Variants in LUZP2 observed in about 807,000 individuals in gnomAD.
LUZP2 encodes the protein leucine zipper protein 2.
LUZP2 carries 52 observed loss-of-function variants against 51.6 expected under a neutral mutation model. That is an observed-to-expected ratio of 1.01 (90% CI 0.81 to 1.27). The LOEUF (loss-of-function observed/expected upper bound fraction) is 1.27. Ranked by LOEUF, LUZP2 falls within the 50% of genes most tolerant of loss-of-function variation. The pLI is 0.00. For synonymous variants in LUZP2, 154 were observed against 137.3 expected (o/e 1.12, Z -0.85); for missense variants, 436 against 395.4 (o/e 1.10, Z -0.87).
Position 25,003,813 on chromosome 11 carries a change from T to C in LUZP2, c.765+20520T>C, listed in dbSNP as rs568513517. On this transcript the variant is annotated intron_variant, in intron 9 of 11. Coordinates refer to ENST00000336930, the MANE Select transcript of LUZP2 (RefSeq NM_001009909.4). ...ACAAATGGGTAACTTGTTCCCCATA[T>C]TCATGTAGATAATAACTCCAGCTTT... Among the ~76,000 whole-genome samples, 4 of 152,286 alleles carry C rather than the reference T, an allele frequency of 2.6e-5. No homozygotes were observed. In the East Asian group the frequency reaches 5.8e-4, roughly 22 times the overall value.
chr11:25,033,693 A>T (rs1000813090), intron 9 of LUZP2, among the ~76,000 whole-genome samples: 1 of 152,068 alleles, frequency 6.6e-6, no homozygotes. Context: ...TTCTGTTCCC[A>T]TGTTAATTCA....
chr11:24,607,949 T>C (rs987520130), intron 1 of LUZP2, among the ~76,000 whole-genome samples: 77 of 152,034 alleles, frequency 5.1e-4, no homozygotes, highest in African/African-American at 1.8e-3. Flanking sequence ...CCTGGGTTTA[T>C]GCCATTCTCC....
chr11:24,941,976 A>G (rs1854763893), intron 7 of LUZP2, among the ~76,000 whole-genome samples: 1 of 151,886 alleles, frequency 6.6e-6, no homozygotes, highest in Admixed American at 6.6e-5. Context: ...TGCCTCTTCT[A>G]GAACATCACG....
intron 5 of LUZP2, among the ~76,000 whole-genome samples, chr11:24,785,257 C>A (rs919255121): frequency 6.6e-6 from 1 of 151,958 alleles, no homozygotes; most frequent in African/African-American, 2.4e-5. Context: ...GCTGTCTTAT[C>A]TACTACACTA....
At chr11:24,514,668 G>GTT (rs71445493) in intron 1 of LUZP2, among the ~76,000 whole-genome samples, 2 of 151,932 alleles carry the variant, frequency 1.3e-5, no homozygotes, top group African/African-American at 4.8e-5. Flanking sequence ...TAATTTATTA[G>GTT]TTTTTTTTCT....
At chr11:24,583,115 G>A (rs1363655795) in intron 1 of LUZP2, among the ~76,000 whole-genome samples, 3 of 151,834 alleles carry the variant, frequency 2.0e-5, no homozygotes, top group Non-Finnish European at 4.4e-5. Context: ...TATAGTTTTT[G>A]TAATGATTTA....
chr11:24,718,065 A>G (rs1020585433), intron 1 of LUZP2, among the ~76,000 whole-genome samples: 9 of 152,198 alleles, frequency 5.9e-5, no homozygotes, highest in Admixed American at 6.5e-5. Flanking sequence ...CAACCATACA[A>G]TCTTTAAGCA....
At chr11:24,587,897 G>C (rs1280293622) in intron 1 of LUZP2, among the ~76,000 whole-genome samples, 1 of 151,998 alleles carries the variant, frequency 6.6e-6, no homozygotes, top group East Asian at 1.9e-4. Flanking sequence ...ATGTTCCATG[G>C]ATGCTGGACA....
intron 10 of LUZP2, among the ~76,000 whole-genome samples, chr11:25,055,230 C>T (rs1195009207): frequency 3.3e-5 from 5 of 151,758 alleles, no homozygotes; most frequent in Admixed American, 2.0e-4. Flanking sequence ...AGGATGGTCT[C>T]GATCTCTTGA....
At chr11:24,627,763 G>T (rs1051527966) in intron 1 of LUZP2, among the ~76,000 whole-genome samples, 1 of 152,074 alleles carries the variant, frequency 6.6e-6, no homozygotes, top group African/African-American at 2.4e-5. Context: ...TTAGAATAAG[G>T]TAGCCTTACA....
At chr11:24,981,154 T>A (rs1022039807) in intron 8 of LUZP2, among the ~76,000 whole-genome samples, 1 of 151,858 alleles carries the variant, frequency 6.6e-6, no homozygotes, top group African/African-American at 2.4e-5. Flanking sequence ...AAAATCATCC[T>A]CTGGGTTTTG....
chr11:24,948,512 C>A (rs1854964297), intron 7 of LUZP2, among the ~76,000 whole-genome samples: 1 of 151,654 alleles, frequency 6.6e-6, no homozygotes, highest in African/African-American at 2.4e-5. Context: ...AGGGTTAGCA[C>A]CAGAATTGTT....
chr11:24,614,461 T>A (rs552162013), intron 1 of LUZP2, among the ~76,000 whole-genome samples: 3 of 152,132 alleles, frequency 2.0e-5, no homozygotes, highest in Non-Finnish European at 2.9e-5. Flanking sequence ...AAAAAAGAAT[T>A]TGAAAAGCCT....
At chr11:24,735,971 G>A (rs1301729504) in intron 3 of LUZP2, among the ~76,000 whole-genome samples, 2 of 151,972 alleles carry the variant, frequency 1.3e-5, no homozygotes, top group Non-Finnish European at 2.9e-5. Flanking sequence ...GTGAGCATGT[G>A]AAGACATAAG....
chr11:25,053,615 C>T (rs761790466), intron 10 of LUZP2, among the ~76,000 whole-genome samples: 2 of 149,368 alleles, frequency 1.3e-5, no homozygotes, highest in Non-Finnish European at 3.0e-5. Flanking sequence ...AACATGGTTT[C>T]TTTTTGTATT....
At chr11:24,926,560 T>G (rs1410236543) in intron 7 of LUZP2, among the ~76,000 whole-genome samples, 1 of 148,340 alleles carries the variant, frequency 6.7e-6, no homozygotes, top group Non-Finnish European at 1.5e-5. Flanking sequence ...TATATATGTG[T>G]GTGTATATAT....
At chr11:25,061,071 GA>G (rs1444206984) in intron 10 of LUZP2, among the ~76,000 whole-genome samples, 1 of 146,920 alleles carries the variant, frequency 6.8e-6, no homozygotes, top group Admixed American at 6.7e-5. Flanking sequence ...CAATGTTCAT[GA>G]ACTTACCCAC....
At chr11:24,520,575 G>A (rs1850609758) in intron 1 of LUZP2, among the ~76,000 whole-genome samples, 1 of 152,162 alleles carries the variant, frequency 6.6e-6, no homozygotes, top group South Asian at 2.1e-4. Context: ...ATTGTAAAAC[G>A]TGGTCTTGTC....
intron 1 of LUZP2, chr11:24,646,611 C>A: frequency 1.0e-6 from 1 of 984,678 alleles, no homozygotes; most frequent in Non-Finnish European, 1.2e-6. Flanking sequence ...TTGAGTTTGT[C>A]AGGTATCAAT....
Sources: gnomAD v4.1 joint callset for allele counts (sites outside exome capture counted in the v4.1 genomes callset) on GRCh38, gnomAD v4.1.1 for gene constraint, MANE v1.5 for transcripts, NCBI Gene and HGNC (gene_info 2026-07-23, HGNC 2026-07-21) for gene names.